SERTAD4: variants seen among roughly 807,000 people sequenced by gnomAD.
The protein encoded by SERTAD4 is SERTA domain containing 4.
In SERTAD4, 18 loss-of-function variants were observed where a neutral mutation model predicts 32.9. The ratio of observed to expected loss-of-function variants is 0.55; its 90% CI spans 0.38 to 0.81. The LOEUF is 0.81. Among genes scored for constraint, SERTAD4 ranks in the 30% least tolerant of loss-of-function variants. SERTAD4 has a pLI of 0.00. For synonymous variants in SERTAD4, 150 were observed against 156.4 expected (o/e 0.96, Z 0.30); for missense variants, 383 against 426.0 (o/e 0.90, Z 0.89).
chr1:210,241,980 G>C lies in SERTAD4; in HGVS notation c.714G>C (p.Pro238=), dbSNP rs765164838. The change falls in exon 4 of 4, where the codon CCG becomes CCC. Residue 238 remains proline (P), a synonymous_variant. Transcript: ENST00000367012. ...SSSSSPPLPL[P]SCSRQVDFDV... is the part of the protein sequence containing the mutation. ...CTTCCTCTCCCCCTTTGCCTTTACC[G>C]AGTTGTTCCCGCCAGGTGGATTTTG... The C allele has an allele frequency of 6.2e-7, 1 of 1,613,834 alleles. No homozygotes were observed. The highest frequency in any genetic ancestry group is 8.5e-7 in the Non-Finnish European group (1 of 1,179,940).
chr1:210,233,666 G>C (rs1178817184), intron 1 of SERTAD4: 1 of 469,722 alleles, frequency 2.1e-6, no homozygotes, highest in East Asian at 7.0e-5. Flanking sequence ...CTGCCCGCCT[G>C]GTCCACGCCT....
At chr1:210,241,502 CT>C in intron 3 of SERTAD4, 55 bp from the exon 4 acceptor site, 3 of 1,482,636 alleles carry the variant, frequency 2.0e-6, no homozygotes, top group Non-Finnish European at 1.8e-6. Flanking sequence ...ATTTTCTAAG[CT>C]TTCTCTCTTC....
At position 210,245,651 on chromosome 1, in the gene SERTAD4, A is replaced by T; in HGVS notation, c.*3314A>T. The T allele has an allele frequency of 4.2e-6, 1 of 240,374 alleles. No individual in the cohort carries two copies. The highest frequency in any genetic ancestry group is 6.7e-6 in the Non-Finnish European group (1 of 148,684). The allele number at this position is 240,374 out of a possible 1,614,324, so 14.9% of individuals were successfully genotyped here. ...AGACAACAGAAATTTAGAACATTTT[A>T]CATGCTTCTTTGTTAAATGGTGAAG... On this transcript the variant is annotated 3_prime_UTR_variant, in exon 4 of 4. Coordinates refer to ENST00000367012, the MANE Select transcript of SERTAD4 (RefSeq NM_019605.5).
intron 3 of SERTAD4, among the ~76,000 whole-genome samples, chr1:210,241,245 G>A (rs2083991237): frequency 6.6e-6 from 1 of 152,012 alleles, no homozygotes; most frequent in African/African-American, 2.4e-5. Context: ...CTTCCTTATT[G>A]GGCCATAATA....
chr1:210,246,572 T>A (rs1212358558), downstream of SERTAD4: 1 of 985,280 alleles, frequency 1.0e-6, no homozygotes, highest in Admixed American at 6.1e-5. Context: ...TTCCCTTCAG[T>A]ATCTGTGACA....
Position 210,239,562 on chromosome 1 carries a change from T to A in SERTAD4, c.245T>A (p.Val82Glu). The A allele has an allele frequency of 6.2e-7, 1 of 1,609,400 alleles. No homozygotes were observed. Residue 82 changes from valine to glutamate, a missense_variant, in exon 3 of 4, where the codon GTG (valine) becomes GAG (glutamate). By Grantham distance (121) the Val-to-Glu change is moderately radical. This residue lies in a region of SERTAD4 where 107 missense variants were observed against 158.8 expected (regional missense o/e 0.67). Transcript: ENST00000367012. ...ATCACATACTTTAAGAGGAAGTATG[T>A]GGAAGAAGAGGATTTTCACCCACCA... ...SKITYFKRKY[V>E]EEEDFHPPLS...
At position 210,237,378 on chromosome 1, in the gene SERTAD4, G is replaced by A. The variant is rs114554435; in HGVS notation, c.-17-566G>A. 1,251 of 154,108 alleles carry A rather than the reference G, an allele frequency of 8.1e-3. 9 individuals are homozygous for A. The highest frequency in any genetic ancestry group is 0.016 in the Middle Eastern group (5 of 308). 9.5% of individuals were successfully genotyped at this position (154,108 alleles called of 1,614,324 possible). On this transcript the variant is annotated intron_variant, in intron 1 of 3. Coordinates refer to ENST00000367012, the MANE Select transcript of SERTAD4 (RefSeq NM_019605.5). ...AAGAAAGTGGAGGGAGCCCCAGCAT[G>A]TTGTAGAGGAACTGGCCTGCGGAAA...
rs559220618 is a variant in SERTAD4, at chr1:210,242,917, C to G, written c.*580C>G. ...ACACCTGTCTAGGGGCGGCAATCAA[C>G]AGTCTTACACAGAGAGGGTATTCCC... On this transcript the variant is annotated 3_prime_UTR_variant, in exon 4 of 4. Transcript: ENST00000367012. This position sits in a 1 kb window ranked among gnomAD's most constrained non-coding sequence, Gnocchi z 4.0. 4.1e-6 allele frequency: 4 copies of G among 985,700 alleles called. No homozygotes were observed. Among genetic ancestry groups the G allele is most frequent in the Non-Finnish European group, 4.8e-6 (4 of 830,026 alleles). The allele number at this position is 985,700 out of a possible 1,614,324, so 61.1% of individuals were successfully genotyped here.
chr1:210,238,167 AC>A (rs749387617), intron 2 of SERTAD4, 32 bp downstream of exon 2: 3 of 1,262,528 alleles, frequency 2.4e-6, no homozygotes, highest in African/African-American at 1.5e-5. Flanking sequence ...CATCCCCCCC[AC>A]CCCTCGCTGC....
chr1:210,235,917 C>G (rs1257640585), intron 1 of SERTAD4, among the ~76,000 whole-genome samples: 1 of 152,234 alleles, frequency 6.6e-6, no homozygotes, highest in Non-Finnish European at 1.5e-5. Flanking sequence ...TGAGTGTAAA[C>G]TTCAAACTAG....
Position 210,237,996 on chromosome 1 carries a change from G to A in SERTAD4, c.36G>A (p.Glu12=). ...TTCTGTCCATGAATAGATTCTGCGAGCCCATTGTCTCGGAAGGAGCTGCTG... is the reference window on the plus strand; with the variant it reads ...TTCTGTCCATGAATAGATTCTGCGAACCCATTGTCTCGGAAGGAGCTGCTG... ...TLVLSMNRFC[E]PIVSEGAAEI... The change falls in exon 2 of 4, where the codon GAG becomes GAA. Residue 12 remains glutamate, a synonymous_variant. Coordinates refer to ENST00000367012, the MANE Select transcript of SERTAD4 (RefSeq NM_019605.5). 1 of 1,613,686 alleles carries A rather than the reference G, an allele frequency of 6.2e-7. No homozygotes were observed. Among genetic ancestry groups the A allele is most frequent in the South Asian group, 1.1e-5 (1 of 91,038 alleles).
At chr1:210,233,288 G>C (rs1413926544) in intron 1 of SERTAD4, among the ~76,000 whole-genome samples, 2 of 152,110 alleles carry the variant, frequency 1.3e-5, no homozygotes, top group African/African-American at 4.8e-5. Context: ...GGCGGGAACC[G>C]CCGCCTCCTC....
At position 210,239,374 on chromosome 1, in the gene SERTAD4, C is replaced by T. The variant is rs991891000; in HGVS notation, c.176-119C>T. On this transcript the variant is annotated intron_variant, in intron 2 of 3. Coordinates refer to ENST00000367012, the MANE Select transcript of SERTAD4 (RefSeq NM_019605.5). ...GACAAATGTTTATTTTTAATCACCA[C>T]ATGTACAGACAAATATGTAGCCAAG... The T allele has an allele frequency of 1.0e-5, 7 of 691,476 alleles. No homozygotes were observed. The African/African-American group carries it at 1.1e-4, about 11-fold the overall frequency. 42.8% of individuals were successfully genotyped at this position (691,476 alleles called of 1,614,324 possible).
intron 1 of SERTAD4, chr1:210,237,318 T>C (rs2083950521): frequency 6.5e-6 from 1 of 152,674 alleles, no homozygotes; most frequent in African/African-American, 2.4e-5. Context: ...TGGAAACAAC[T>C]ACCAAGTGTC....
intron 1 of SERTAD4, among the ~76,000 whole-genome samples, chr1:210,233,420 G>A (rs2083905473): frequency 1.3e-5 from 2 of 152,212 alleles, no homozygotes; most frequent in South Asian, 2.1e-4. Context: ...TAGGGGAAGG[G>A]GTTAAGTAGG....
intron 1 of SERTAD4, among the ~76,000 whole-genome samples, chr1:210,233,287 C>A (rs1024623567): frequency 1.3e-5 from 2 of 152,088 alleles, no homozygotes; most frequent in Non-Finnish European, 1.5e-5. Flanking sequence ...GGGCGGGAAC[C>A]GCCGCCTCCT....
intron 2 of SERTAD4, 24 bp downstream of exon 2, chr1:210,238,159 T>TCC: frequency 7.7e-7 from 1 of 1,291,912 alleles, no homozygotes; most frequent in Non-Finnish European, 1.1e-6. Flanking sequence ...CCTGCGCCCA[T>TCC]CCCCCCCACC....
intron 2 of SERTAD4, 49 bp downstream of exon 2, chr1:210,238,184 G>C: frequency 8.9e-7 from 1 of 1,126,218 alleles, no homozygotes; most frequent in East Asian, 2.4e-5. Context: ...GCTGCCCTTT[G>C]CAGCCAGCCT....
rs1312568102 is a variant in SERTAD4, at chr1:210,232,858, G to A, written c.-171G>A. 1 of 150,606 alleles carries A rather than the reference G, an allele frequency of 6.6e-6. No homozygotes were observed. Among genetic ancestry groups the A allele is most frequent in the Non-Finnish European group, 1.5e-5 (1 of 67,484 alleles). The allele number at this position is 150,606 out of a possible 1,614,324, so 9.3% of individuals were successfully genotyped here. ...CCCAGTCGCGGCGGCGGGACCTGCCGGGACCCTTGCCCGCCGCGCACCCGC... is the reference window on the plus strand; with the variant it reads ...CCCAGTCGCGGCGGCGGGACCTGCCAGGACCCTTGCCCGCCGCGCACCCGC... On this transcript the variant is annotated 5_prime_UTR_variant, in exon 1 of 4. Transcript: ENST00000367012.
Sources: allele counts gnomAD v4.1 joint callset (sites outside exome capture counted in the v4.1 genomes callset), GRCh38; gene constraint gnomAD v4.1.1; regional missense constraint gnomAD v4.1.1; non-coding constraint Gnocchi (gnomAD v3.1); transcripts MANE v1.5; gene names NCBI Gene and HGNC (gene_info 2026-07-23, HGNC 2026-07-21).